NTRK2: variants seen among roughly 807,000 people sequenced by gnomAD.
NTRK2 encodes the protein BDNF/NT-3 growth factors receptor.
A neutral mutation model predicts 94.5 loss-of-function variants in NTRK2; 13 were observed. The observed-to-expected ratio is 0.14, with a 90% confidence interval of 0.09 to 0.22. The LOEUF (loss-of-function observed/expected upper bound fraction) is 0.22, where lower values mean the gene tolerates loss of function less well. NTRK2 is among the 10% of genes least tolerant of loss of function. The pLI is 1.00. For synonymous variants in NTRK2, 372 were observed against 407.4 expected (o/e 0.91, Z 1.05); for missense variants, 639 against 1,071.2 (o/e 0.60, Z 5.63).
At chr9:84,779,985 G>A (rs763027202) in intron 12 of NTRK2, among the ~76,000 whole-genome samples, 14 of 152,014 alleles carry the variant, frequency 9.2e-5, no homozygotes, top group Non-Finnish European at 1.8e-4. Context: ...GGTCAGGTTA[G>A]CATTTCTGGC....
intron 12 of NTRK2, among the ~76,000 whole-genome samples, chr9:84,851,739 T>A (rs2074782273): frequency 6.6e-6 from 1 of 152,132 alleles, no homozygotes; most frequent in South Asian, 2.1e-4. Context: ...ATGGAAAATA[T>A]CCTGTAATGA....
Position 85,017,606 on chromosome 9 carries a change from C to A in NTRK2, c.2173-2600C>A, listed in dbSNP as rs1160624794. Among the ~76,000 whole-genome samples the A allele has an allele frequency of 3.9e-5, 6 of 152,334 alleles. No homozygotes were observed. The East Asian group carries it at 9.6e-4, about 24-fold the overall frequency. On this transcript the variant is annotated intron_variant, in intron 17 of 18. Coordinates refer to ENST00000277120, the MANE Select transcript of NTRK2 (RefSeq NM_006180.6). ...CCAAAGTTAAGTTTGTTCTTTCCTG[C>A]CAAACTCCTCACATACTTTAATAAG... is the stretch of plus-strand genomic sequence containing the variant.
At chr9:84,948,666 G>C (rs112790769) in intron 16 of NTRK2, 32 bp downstream of exon 16, 3 of 1,608,814 alleles carry the variant, frequency 1.9e-6, no homozygotes, top group Non-Finnish European at 2.6e-6. Flanking sequence ...GGCTCCAGGA[G>C]GGAGCAGGCC....
chr9:84,802,836 C>T (rs2070661093), intron 12 of NTRK2, among the ~76,000 whole-genome samples: 1 of 152,118 alleles, frequency 6.6e-6, no homozygotes, highest in African/African-American at 2.4e-5. Context: ...CCTGAGGGTG[C>T]CACCAGATGT....
chr9:85,012,657 G>A (rs1831756587), intron 17 of NTRK2, among the ~76,000 whole-genome samples: 1 of 152,076 alleles, frequency 6.6e-6, no homozygotes, highest in Non-Finnish European at 1.5e-5. Context: ...AAAAAGTGTA[G>A]GCAAACCTGA....
intron 12 of NTRK2, among the ~76,000 whole-genome samples, 194 bp from the exon 13 acceptor site, chr9:84,860,846 T>C (rs1255444069): frequency 2.0e-5 from 3 of 152,114 alleles, no homozygotes; most frequent in Non-Finnish European, 4.4e-5. Context: ...AATCCAAGGG[T>C]TAGTTTCCAG....
At chr9:84,697,006 G>T (rs1454466929) in intron 2 of NTRK2, among the ~76,000 whole-genome samples, 1 of 152,178 alleles carries the variant, frequency 6.6e-6, no homozygotes, top group Non-Finnish European at 1.5e-5. Context: ...GGCAGAACAG[G>T]ATGGTTGAAG....
At chr9:84,768,928 T>C (rs1226661220) in intron 12 of NTRK2, among the ~76,000 whole-genome samples, 1 of 151,996 alleles carries the variant, frequency 6.6e-6, no homozygotes, top group Non-Finnish European at 1.5e-5. Context: ...TGCGGGACAG[T>C]AGAGGATGAG....
intron 10 of NTRK2, 78 bp downstream of exon 10, chr9:84,742,005 C>T (rs1036408402): frequency 8.1e-7 from 1 of 1,232,768 alleles, no homozygotes; most frequent in African/African-American, 1.5e-5. Flanking sequence ...TGAAAGAAGA[C>T]TCTTCTAAGC....
chr9:84,772,410 C>G (rs2066643579), intron 12 of NTRK2, among the ~76,000 whole-genome samples: 3 of 152,094 alleles, frequency 2.0e-5, no homozygotes, highest in African/African-American at 7.2e-5. Flanking sequence ...CATATGCCAC[C>G]AAGCCTGGCT....
chr9:84,972,654 A>G (rs978530615), intron 17 of NTRK2, among the ~76,000 whole-genome samples: 1 of 152,224 alleles, frequency 6.6e-6, no homozygotes, highest in Non-Finnish European at 1.5e-5. Flanking sequence ...TTTATAATGT[A>G]TAAATACTAC....
chr9:84,775,290 C>G (rs1248002069), intron 12 of NTRK2, among the ~76,000 whole-genome samples: 2 of 152,242 alleles, frequency 1.3e-5, no homozygotes, highest in Admixed American at 6.5e-5. Context: ...AAGGAGGTGA[C>G]AGAGCGGGGA....
intron 11 of NTRK2, among the ~76,000 whole-genome samples, chr9:84,751,558 G>A (rs2132488061): frequency 6.6e-6 from 1 of 152,158 alleles, no homozygotes; most frequent in Non-Finnish European, 1.5e-5. Flanking sequence ...TTTAGCCTGA[G>A]CAACAAAGTG....
chr9:84,732,017 G>C (rs2062927337), intron 9 of NTRK2, among the ~76,000 whole-genome samples: 2 of 152,174 alleles, frequency 1.3e-5, no homozygotes, highest in Non-Finnish European at 2.9e-5. Flanking sequence ...CCAGACTCCA[G>C]ATACTAAATC....
At chr9:84,795,958 CTTTT>C (rs970690802) in intron 12 of NTRK2, among the ~76,000 whole-genome samples, 5 of 140,420 alleles carry the variant, frequency 3.6e-5, no homozygotes, top group Admixed American at 7.1e-5. Flanking sequence ...GATTACTTTT[CTTTT>C]TTTTTTTTTT....
At chr9:84,848,579 A>G (rs1236127177) in intron 12 of NTRK2, among the ~76,000 whole-genome samples, 1 of 152,118 alleles carries the variant, frequency 6.6e-6, no homozygotes, top group Non-Finnish European at 1.5e-5. Context: ...CCTTTATGGA[A>G]CTCATCTTTC....
At chr9:84,741,954 T>C (rs1305832850) in intron 10 of NTRK2, 27 bp downstream of exon 10, 1 of 1,589,762 alleles carries the variant, frequency 6.3e-7, no homozygotes, top group African/African-American at 1.3e-5. Context: ...CTACTTTGTA[T>C]TTCTTTTTCA....
intron 17 of NTRK2, among the ~76,000 whole-genome samples, chr9:84,994,482 T>TCA (rs1829487635): frequency 6.6e-6 from 1 of 152,176 alleles, no homozygotes; most frequent in African/African-American, 2.4e-5. Context: ...CAGAGGATGG[T>TCA]TTGGAGGCAG....
chr9:84,921,655 G>T (rs2077570347), intron 14 of NTRK2, among the ~76,000 whole-genome samples: 1 of 152,146 alleles, frequency 6.6e-6, no homozygotes, highest in Non-Finnish European at 1.5e-5. Context: ...GTAGTGTCAG[G>T]ATATGGCTGG....
Sources: allele counts gnomAD v4.1 joint callset (sites outside exome capture counted in the v4.1 genomes callset), GRCh38; gene constraint gnomAD v4.1.1; transcripts MANE v1.5; gene names NCBI Gene and HGNC (gene_info 2026-07-23, HGNC 2026-07-21).